TENM2: variants seen among roughly 807,000 people sequenced by gnomAD.
TENM2 encodes teneurin-2.
A neutral mutation model predicts 245.2 loss-of-function variants in TENM2; 52 were observed. That is an observed-to-expected ratio of 0.21 (90% confidence interval 0.17 to 0.27). The LOEUF is 0.27. Ranked by LOEUF, TENM2 falls within the 10% of genes least tolerant of loss-of-function variation. The pLI, the probability that TENM2 is intolerant of heterozygous loss-of-function variation, is 1.00. For synonymous variants in TENM2, 1,363 were observed against 1,438.9 expected, an observed-to-expected ratio of 0.95 and a Z score of 1.19; for missense variants, 3,046 against 3,666.8, an observed-to-expected ratio of 0.83 and a Z score of 4.37.
chr5:167,006,542 G>A, the TENM2 span, among the ~76,000 whole-genome samples: 11,374 of 152,206 alleles, frequency 0.075, 541 homozygotes, highest in East Asian at 0.31. Flanking sequence ...TTCTTCAGGA[G>A]AAATGCATTT....
rs535500419 is a variant in TENM2 at position 167,688,635 on chromosome 5, A to T, written c.503-187351A>T. Among the ~76,000 whole-genome samples, 9 of 152,368 alleles carry T rather than the reference A, an allele frequency of 5.9e-5. No individual in the cohort carries two copies. In the East Asian group the frequency reaches 1.5e-3, roughly 26 times the overall value. ...ATGTCCTAGAAAACTGAAAACCATG[A>T]AAACAAGTGCTCATATTTTAAGGAA... is the stretch of plus-strand genomic sequence containing the variant. On this transcript the variant is annotated intron_variant, in intron 2 of 28. Coordinates refer to ENST00000518659, the Ensembl canonical transcript of TENM2.
At chr5:167,006,459 G>T in the TENM2 span, among the ~76,000 whole-genome samples, 1 of 152,216 alleles carries the variant, frequency 6.6e-6, no homozygotes, top group African/African-American at 2.4e-5. Flanking sequence ...ATGCAGAAAA[G>T]TAAAAAGAAG....
At chr5:168,029,261 G>C (rs564971393) in intron 5 of TENM2, among the ~76,000 whole-genome samples, 1 of 152,106 alleles carries the variant, frequency 6.6e-6, no homozygotes, top group Non-Finnish European at 1.5e-5. Flanking sequence ...CTCAACATAC[G>C]AATTCTGGGG....
chr5:167,242,645 G>T, the TENM2 span, among the ~76,000 whole-genome samples: 4 of 151,992 alleles, frequency 2.6e-5, no homozygotes, highest in African/African-American at 9.7e-5. Context: ...ATATATTTTC[G>T]CCTCTTTATG....
At chr5:167,964,645 G>A (rs1206174102) in intron 4 of TENM2, among the ~76,000 whole-genome samples, 1 of 152,176 alleles carries the variant, frequency 6.6e-6, no homozygotes, top group African/African-American at 2.4e-5. Context: ...ACAGACGGCT[G>A]AAGAAGCCAG....
the TENM2 span, among the ~76,000 whole-genome samples, chr5:167,190,807 G>T: frequency 1.3e-5 from 2 of 152,032 alleles, no homozygotes; most frequent in African/African-American, 4.8e-5. Flanking sequence ...CTCCTTGTTT[G>T]AAAGTTGCTA....
intron 1 of TENM2, among the ~76,000 whole-genome samples, chr5:167,346,503 C>T (rs1383702985): frequency 6.6e-6 from 1 of 152,196 alleles, no homozygotes; most frequent in Non-Finnish European, 1.5e-5. Context: ...AAAATTTGCT[C>T]TCATGCCACA....
chr5:167,446,900 A>C (rs1430138665), intron 2 of TENM2, among the ~76,000 whole-genome samples: 1 of 151,990 alleles, frequency 6.6e-6, no homozygotes, highest in Non-Finnish European at 1.5e-5. Context: ...TTGGAGCCGG[A>C]AGTTTTTCAG....
rs140923634 is a variant in TENM2 at position 167,453,376 on chromosome 5, G to A, written c.502+77903G>A. Among the ~76,000 whole-genome samples the A allele has an allele frequency of 6.6e-5, 10 of 152,146 alleles. No homozygotes were observed. In the East Asian group the frequency reaches 1.9e-3, roughly 30 times the overall value. ...TCTCCTCTAATTGAAGAAAGAAATG[G>A]TTAAGCATGCCCAGTCACTATTGTT... is the stretch of plus-strand genomic sequence containing the variant. On this transcript the variant is annotated intron_variant, in intron 2 of 28. Coordinates refer to ENST00000518659, the Ensembl canonical transcript of TENM2.
intron 2 of TENM2, among the ~76,000 whole-genome samples, chr5:167,378,269 A>C (rs1014789702): frequency 6.6e-6 from 1 of 152,214 alleles, no homozygotes; most frequent in East Asian, 1.9e-4. Flanking sequence ...AGTTCTCCCT[A>C]GATCAATGTT....
rs1262074793 is a variant in TENM2 at position 167,801,128 on chromosome 5, ATATATATATATATATATATATATATG to A, written c.503-74850_503-74825del. Among the ~76,000 whole-genome samples the A allele has an allele frequency of 1.5e-3, 143 of 96,264 alleles. 1 individual carries two copies. Among genetic ancestry groups the A allele is most frequent in the African/African-American group, 3.7e-3 (78 of 21,088 alleles). The allele number at this position is 96,264 out of a possible 152,430, so 63.2% of individuals were successfully genotyped here. On this transcript the variant is annotated intron_variant, in intron 2 of 28. Coordinates refer to ENST00000518659, the Ensembl canonical transcript of TENM2. ...AAAAAAAATATATATATATATATAT[ATATATATATATATATATATATATATG>A]TATATATTCCCCAGGGTCAAAGTGT...
rs374951281 is a variant in TENM2 at position 167,740,603 on chromosome 5, C to T, written c.503-135383C>T. 1.7e-4 allele frequency among the ~76,000 whole-genome samples: 26 copies of T among 152,214 alleles called. No homozygotes were observed. In the South Asian group the frequency reaches 4.4e-3, roughly 25 times the overall value. ...CCTCTCTCTGTTCTTTTGTATCCCG[C>T]GTGCTACCTGATTCTTATCTTACCT... is the stretch of plus-strand genomic sequence containing the variant. On this transcript the variant is annotated intron_variant, in intron 2 of 28. Coordinates refer to ENST00000518659, the Ensembl canonical transcript of TENM2.
the TENM2 span, among the ~76,000 whole-genome samples, chr5:167,015,289 C>T: frequency 6.6e-6 from 1 of 152,104 alleles, no homozygotes; most frequent in Non-Finnish European, 1.5e-5. Flanking sequence ...GTATAGGGAA[C>T]ATAGTAATAT....
chr5:167,479,686 T>C (rs969560085), intron 2 of TENM2, among the ~76,000 whole-genome samples: 3 of 152,212 alleles, frequency 2.0e-5, no homozygotes, highest in Admixed American at 1.3e-4. Context: ...TTCTTAGATT[T>C]ATTGGCATCA....
At chr5:167,929,455 AC>A (rs375445780) in intron 3 of TENM2, among the ~76,000 whole-genome samples, 9 of 152,308 alleles carry the variant, frequency 5.9e-5, no homozygotes, top group Non-Finnish European at 1.2e-4. Context: ...GTTCCAGAAT[AC>A]CCTGCACATT....
chr5:167,666,567 A>G (rs1176344532), intron 2 of TENM2, among the ~76,000 whole-genome samples: 1 of 152,176 alleles, frequency 6.6e-6, no homozygotes, highest in Non-Finnish European at 1.5e-5. Context: ...TATTTTTAGA[A>G]TTATTTGAGA....
intron 5 of TENM2, among the ~76,000 whole-genome samples, chr5:167,993,668 A>T (rs918739173): frequency 6.6e-6 from 1 of 152,220 alleles, no homozygotes; most frequent in Non-Finnish European, 1.5e-5. Flanking sequence ...GTGGAACAGA[A>T]ACAGGACTGA....
At chr5:167,388,324 T>A (rs1042735835) in intron 2 of TENM2, among the ~76,000 whole-genome samples, 5 of 152,154 alleles carry the variant, frequency 3.3e-5, no homozygotes, top group Non-Finnish European at 7.4e-5. Context: ...CATTGACTGA[T>A]CTTTTGTATT....
intron 2 of TENM2, among the ~76,000 whole-genome samples, chr5:167,826,335 C>T (rs770082700): frequency 7.2e-5 from 11 of 152,286 alleles, no homozygotes; most frequent in Middle Eastern, 3.4e-3. Flanking sequence ...CTATTTCTTC[C>T]GATTGGCCAG....
Sources: allele counts gnomAD v4.1 joint callset (sites outside exome capture counted in the v4.1 genomes callset), GRCh38; gene constraint gnomAD v4.1.1; transcripts MANE v1.5; gene names NCBI Gene and HGNC (gene_info 2026-07-23, HGNC 2026-07-21).